The following IGBP1C variants were observed in gnomAD, a reference collection of about 807,000 sequenced individuals.
The protein encoded by IGBP1C is IGBP1 family member C.
chr17:58,688,940 T>C, the IGBP1C span, among the ~76,000 whole-genome samples: 1 of 151,424 alleles, frequency 6.6e-6, no homozygotes, highest in African/African-American at 2.4e-5. Context: ...TATACATATA[T>C]TTTTTTTTGA....
At chr17:58,689,771 T>C in the IGBP1C span, among the ~76,000 whole-genome samples, 3 of 152,162 alleles carry the variant, frequency 2.0e-5, no homozygotes, top group East Asian at 1.9e-4. Context: ...TTTGAAAGCA[T>C]GACTACAGAG....
the IGBP1C span, among the ~76,000 whole-genome samples, chr17:58,686,507 G>A: frequency 6.6e-6 from 1 of 152,242 alleles, no homozygotes; most frequent in Admixed American, 6.6e-5. Flanking sequence ...ACGGCAGAGG[G>A]TCAGGGCTAG....
the IGBP1C span, among the ~76,000 whole-genome samples, chr17:58,676,603 T>C: frequency 6.6e-6 from 1 of 151,994 alleles, no homozygotes; most frequent in Non-Finnish European, 1.5e-5. Context: ...CAAACTACTA[T>C]GTCAGAACCT....
At chr17:58,691,021 T>C in the IGBP1C span, among the ~76,000 whole-genome samples, 1 of 152,038 alleles carries the variant, frequency 6.6e-6, no homozygotes, top group Admixed American at 6.5e-5. Flanking sequence ...GCCCGGCTAA[T>C]TTTTTGTACT....
the IGBP1C span, among the ~76,000 whole-genome samples, chr17:58,681,382 T>A: frequency 6.6e-6 from 1 of 152,204 alleles, no homozygotes. Context: ...GATTCTGTGA[T>A]GCAACCAGAC....
the IGBP1C span, among the ~76,000 whole-genome samples, chr17:58,689,371 T>G: frequency 6.6e-6 from 1 of 151,748 alleles, no homozygotes; most frequent in Admixed American, 6.6e-5. Flanking sequence ...TAGGCACACA[T>G]CAACATGCCC....
At chr17:58,678,157 A>G in the IGBP1C span, among the ~76,000 whole-genome samples, 7 of 151,946 alleles carry the variant, frequency 4.6e-5, no homozygotes, top group African/African-American at 1.2e-4. Context: ...CTCAAGGGGG[A>G]AAAAAAAGGG....
chr17:58,685,733 T>C, the IGBP1C span, among the ~76,000 whole-genome samples: 1 of 151,730 alleles, frequency 6.6e-6, no homozygotes, highest in African/African-American at 2.4e-5. Context: ...GCCTCATGCC[T>C]GTAATCCCAG....
chr17:58,685,713 G>A, the IGBP1C span, among the ~76,000 whole-genome samples: 4 of 151,680 alleles, frequency 2.6e-5, 1 homozygote, highest in South Asian at 2.1e-4. Flanking sequence ...AAAATAAGGC[G>A]AGGTGCGGTG....
chr17:58,679,236 T>C, the IGBP1C span, among the ~76,000 whole-genome samples: 3 of 152,040 alleles, frequency 2.0e-5, no homozygotes, highest in Non-Finnish European at 4.4e-5. Context: ...GATGCTAAAT[T>C]GTTAGCTTTG....
chr17:58,666,362 G>A, the IGBP1C span, among the ~76,000 whole-genome samples: 3 of 143,176 alleles, frequency 2.1e-5, no homozygotes, highest in Non-Finnish European at 4.5e-5. Flanking sequence ...AAATAAATAA[G>A]GCAAAACCTA....
At chr17:58,660,578 T>C in the IGBP1C span, 2 of 792,452 alleles carry the variant, frequency 2.5e-6, no homozygotes, top group Non-Finnish European at 4.6e-6. Flanking sequence ...GTGGGAAGAT[T>C]AGCCCATGTT....
chr17:58,682,600 A>G, the IGBP1C span, among the ~76,000 whole-genome samples: 4 of 151,884 alleles, frequency 2.6e-5, no homozygotes, highest in East Asian at 1.9e-4. Context: ...ACAAAACAAA[A>G]TGTTGATAAT....
the IGBP1C span, among the ~76,000 whole-genome samples, chr17:58,690,645 T>C: frequency 7.9e-5 from 12 of 152,204 alleles, no homozygotes; most frequent in Non-Finnish European, 1.5e-4. Context: ...AGATAGTATT[T>C]ATGCATCCAC....
chr17:58,683,372 C>A, the IGBP1C span, among the ~76,000 whole-genome samples: 2 of 150,000 alleles, frequency 1.3e-5, no homozygotes, highest in African/African-American at 2.5e-5. Flanking sequence ...GACTCCATCC[C>A]CCCCCCCAAA....
At chr17:58,690,808 T>C in the IGBP1C span, among the ~76,000 whole-genome samples, 1 of 152,166 alleles carries the variant, frequency 6.6e-6, no homozygotes, top group African/African-American at 2.4e-5. Context: ...AAAATCTTAA[T>C]AGCTCGGGGT....
chr17:58,671,684 T>C, the IGBP1C span, among the ~76,000 whole-genome samples: 1 of 152,158 alleles, frequency 6.6e-6, no homozygotes, highest in Non-Finnish European at 1.5e-5. Context: ...ATTTGTTTCT[T>C]TCTCTGGGTC....
chr17:58,660,425 A>G, the IGBP1C span: 1 of 424,564 alleles, frequency 2.4e-6, no homozygotes, highest in South Asian at 1.0e-4. Flanking sequence ...AAATAATAAT[A>G]ATAATTTAAC....
the IGBP1C span, among the ~76,000 whole-genome samples, chr17:58,665,874 C>T: frequency 6.6e-6 from 1 of 152,014 alleles, no homozygotes; most frequent in South Asian, 2.1e-4. Flanking sequence ...AGTGAAAACT[C>T]GTCTCTACTA....
Sources: allele counts gnomAD v4.1 joint callset (sites outside exome capture counted in the v4.1 genomes callset), GRCh38; gene constraint gnomAD v4.1.1; transcripts MANE v1.5; gene names NCBI Gene and HGNC (gene_info 2026-07-23, HGNC 2026-07-21).